Variants in TTC17 observed in about 807,000 individuals in gnomAD.
The protein encoded by TTC17 is tetratricopeptide repeat domain 17, also known as tetratricopeptide repeat protein 17.
In TTC17, 58 loss-of-function variants were observed where a neutral mutation model predicts 143.8. The observed-to-expected ratio is 0.40, with a 90% CI of 0.33 to 0.50. TTC17 has a LOEUF of 0.50. Among genes scored for constraint, TTC17 ranks in the 20% least tolerant of loss-of-function variants. The pLI, the probability that TTC17 is intolerant of heterozygous loss-of-function variation, is 0.49. For synonymous variants in TTC17, 501 were observed against 497.8 expected, an observed-to-expected ratio of 1.01 and a Z score of -0.09; for missense variants, 1,273 against 1,392.5, an observed-to-expected ratio of 0.91 and a Z score of 1.37.
intron 2 of TTC17, among the ~76,000 whole-genome samples, chr11:43,383,224 G>C (rs1035927247): frequency 2.6e-5 from 4 of 152,050 alleles, no homozygotes; most frequent in Non-Finnish European, 4.4e-5. Context: ...TAAATTACAA[G>C]GGAGTGGGGG....
chr11:43,431,867 G>A (rs181242073), intron 16 of TTC17, among the ~76,000 whole-genome samples: 2 of 152,170 alleles, frequency 1.3e-5, no homozygotes, highest in Non-Finnish European at 2.9e-5. Context: ...TGAGGAAAAC[G>A]ATTCACAAAA....
At chr11:43,403,926 G>A (rs1857990071) in intron 10 of TTC17, 72 bp from the exon 11 acceptor site, 3 of 1,321,522 alleles carry the variant, frequency 2.3e-6, no homozygotes, top group South Asian at 3.1e-5. Flanking sequence ...CGCTTTTTTG[G>A]TGTGAGTTAA....
At chr11:43,385,572 A>C (rs965980895) in intron 2 of TTC17, 3 of 152,168 alleles carry the variant, frequency 2.0e-5, no homozygotes, top group Non-Finnish European at 4.4e-5. Flanking sequence ...ATATGAATTT[A>C]TAGAAAAATG....
intron 2 of TTC17, among the ~76,000 whole-genome samples, chr11:43,387,433 G>A (rs1180577139): frequency 6.6e-6 from 1 of 152,158 alleles, no homozygotes. Flanking sequence ...CTTGAAGTCA[G>A]TAGGGCAGGA....
chr11:43,376,957 A>G (rs1590321857), intron 1 of TTC17, among the ~76,000 whole-genome samples: 1 of 152,318 alleles, frequency 6.6e-6, no homozygotes, highest in East Asian at 1.9e-4. Flanking sequence ...TTGTAACACA[A>G]TGGTAAGTAT....
At chr11:43,461,212 G>A (rs142495191) in intron 21 of TTC17, among the ~76,000 whole-genome samples, 12,177 of 151,878 alleles carry the variant, frequency 0.08, 614 homozygotes, top group Middle Eastern at 0.15. Context: ...GTGAAACCCC[G>A]CCTCTACTAA....
intron 21 of TTC17, among the ~76,000 whole-genome samples, chr11:43,487,839 G>GCCTCTTGCTGCCTCTTCACATGGTTGTC (rs1564986227): frequency 6.6e-6 from 1 of 152,186 alleles, no homozygotes; most frequent in Non-Finnish European, 1.5e-5. Context: ...CTTGCAGTTG[G>GCCTCTTGCTGCCTCTTCACATGGTTGTC]CCTCTTGCTG....
chr11:43,403,897 C>T, intron 10 of TTC17, 101 bp from the exon 11 acceptor site: 3 of 1,015,320 alleles, frequency 3.0e-6, no homozygotes, highest in Non-Finnish European at 4.2e-6. Context: ...TGATTTTCTA[C>T]TAATTTTGAA....
intron 8 of TTC17, 132 bp downstream of exon 8, chr11:43,398,245 C>G: frequency 1.7e-6 from 2 of 1,145,822 alleles, no homozygotes; most frequent in Non-Finnish European, 2.4e-6. Flanking sequence ...CAAGTCCTAT[C>G]CTTTTTCTGT....
chr11:43,358,979 G>C lies in TTC17; in HGVS notation c.25G>C (p.Gly9Arg). 1.9e-6 allele frequency: 3 copies of C among 1,579,996 alleles called. No individual in the cohort carries two copies. The highest frequency in any genetic ancestry group is 1.1e-5 in the South Asian group (1 of 87,916). MAAAVGVR[G>R]RYELPPCSGP... is the part of the protein sequence containing the mutation. ...GATGGCGGCGGCAGTAGGGGTTCGT[G>C]GCCGGTACGAGCTGCCGCCTTGCTC... is the stretch of plus-strand genomic sequence containing the variant. The change falls in exon 1 of 24, where the codon GGC (glycine) becomes CGC (arginine). Residue 9 changes from glycine (G) to arginine (R), a missense_variant. Physicochemically the swap from Gly to Arg is moderately radical, Grantham distance 125. Around this residue, in one of 3 missense-constraint regions of TTC17, gnomAD observed 70 missense variants for 48.5 expected, o/e 1.44. Transcript: ENST00000039989.
intron 16 of TTC17, among the ~76,000 whole-genome samples, chr11:43,428,649 G>C (rs1272209042): frequency 6.6e-6 from 1 of 152,208 alleles, no homozygotes; most frequent in African/African-American, 2.4e-5. Flanking sequence ...GGATGCAGGG[G>C]CATATAGGTC....
chr11:43,402,222 C>T (rs1857896628), intron 10 of TTC17, among the ~76,000 whole-genome samples: 1 of 152,006 alleles, frequency 6.6e-6, no homozygotes, highest in African/African-American at 2.4e-5. Flanking sequence ...TATTATTGAA[C>T]TCAAAGCTTT....
At chr11:43,406,368 G>A (rs1858132416) in intron 13 of TTC17, among the ~76,000 whole-genome samples, 1 of 151,938 alleles carries the variant, frequency 6.6e-6, no homozygotes, top group Admixed American at 6.6e-5. Flanking sequence ...CCTTATATGA[G>A]GTCCATAGGA....
chr11:43,366,181 C>CTT (rs1856335515), intron 1 of TTC17, among the ~76,000 whole-genome samples: 1 of 152,038 alleles, frequency 6.6e-6, no homozygotes, highest in South Asian at 2.1e-4. Context: ...TCACCAAGAT[C>CTT]TTTGTTTTAC....
chr11:43,433,824 A>G (rs6485424), intron 16 of TTC17, among the ~76,000 whole-genome samples: 150,730 of 152,276 alleles, frequency 0.99, 74,612 homozygotes, highest in East Asian at 1. Flanking sequence ...CACAACATGT[A>G]TCAATGTGAA....
chr11:43,447,853 A>T, intron 18 of TTC17, 149 bp from the exon 19 acceptor site: 1 of 904,386 alleles, frequency 1.1e-6, no homozygotes, highest in Non-Finnish European at 1.6e-6. Flanking sequence ...GATTTTAATT[A>T]GATCATAGAT....
chr11:43,404,042 T>A lies in TTC17; in HGVS notation c.1377T>A (p.Phe459Leu). 3.7e-6 allele frequency: 6 copies of A among 1,612,674 alleles called. No individual in the cohort carries two copies. Among genetic ancestry groups the A allele is most frequent in the Non-Finnish European group, 5.1e-6 (6 of 1,179,280 alleles). The change falls in exon 11 of 24, where the codon TTT becomes TTA. Residue 459 changes from phenylalanine to leucine, a missense_variant. This residue lies in a region of TTC17 where 878 missense variants were observed against 899.8 expected (regional missense o/e 0.98). Transcript: ENST00000039989. The stretch of plus-strand genomic sequence containing the variant: ...CCTCCAGTATGATGTCTGTGAACTT[T>A]GATGTTCAATCAAATCAGAGTGATA... ...SSTSSMMSVN[F>L]DVQSNQSDIN... is the part of the protein sequence containing the mutation.
At chr11:43,402,002 A>AATAT (rs1857881465) in intron 10 of TTC17, among the ~76,000 whole-genome samples, 1 of 150,296 alleles carries the variant, frequency 6.7e-6, no homozygotes, top group African/African-American at 2.5e-5. Flanking sequence ...TAAATAAATA[A>AATAT]ATAAATAAAT....
At chr11:43,405,476 TCCA>T in intron 11 of TTC17, 35 bp from the exon 12 acceptor site, 2 of 1,484,410 alleles carry the variant, frequency 1.3e-6, no homozygotes, top group Non-Finnish European at 1.9e-6. Flanking sequence ...AAATATTGAA[TCCA>T]AAGAAATTTA....
Sources: gnomAD v4.1 joint callset for allele counts (sites outside exome capture counted in the v4.1 genomes callset) on GRCh38, gnomAD v4.1.1 for gene constraint, gnomAD v4.1.1 regional missense constraint, MANE v1.5 for transcripts, NCBI Gene and HGNC (gene_info 2026-07-23, HGNC 2026-07-21) for gene names.